KCNK17: variants seen among roughly 807,000 people sequenced by gnomAD.
The protein encoded by KCNK17 is potassium two pore domain channel subfamily K member 17.
In KCNK17, 27 loss-of-function variants were observed where a neutral mutation model predicts 24.6. The observed-to-expected ratio is 1.10, with a 90% CI of 0.81 to 1.51. The LOEUF (loss-of-function observed/expected upper bound fraction) is 1.51, where lower values mean the gene tolerates loss of function less well. Among genes scored for constraint, KCNK17 ranks in the 40% most tolerant of loss-of-function variants. The probability of loss-of-function intolerance (pLI) is 0.00; values close to 1 mark genes in which losing one functional copy is unlikely to be tolerated. For missense variants in KCNK17, 450 were observed against 436.6 expected, an observed-to-expected ratio of 1.03 and a Z score of -0.27; for synonymous variants, 181 against 189.8, an observed-to-expected ratio of 0.95 and a Z score of 0.38.
intron 3 of KCNK17, 134 bp downstream of exon 3, chr6:39,304,361 C>A: frequency 1.2e-6 from 1 of 868,912 alleles, no homozygotes. Flanking sequence ...CTATTCTGAG[C>A]AGTGACCCCC....
intron 2 of KCNK17, among the ~76,000 whole-genome samples, chr6:39,308,692 C>T (rs1762077367): frequency 6.6e-6 from 1 of 152,236 alleles, no homozygotes; most frequent in Admixed American, 6.5e-5. Context: ...CAGGCCTGTC[C>T]TACTGGCCCA....
intron 1 of KCNK17, among the ~76,000 whole-genome samples, chr6:39,311,603 T>C (rs2113841438): frequency 6.6e-6 from 1 of 152,352 alleles, no homozygotes; most frequent in East Asian, 1.9e-4. Context: ...TAAGGTATTA[T>C]GTGTAGACTT....
At chr6:39,309,111 A>G (rs1464414025) in intron 2 of KCNK17, among the ~76,000 whole-genome samples, 2 of 152,208 alleles carry the variant, frequency 1.3e-5, no homozygotes, top group Non-Finnish European at 2.9e-5. Context: ...GGATCACTTG[A>G]GGACAGGAGT....
intron 2 of KCNK17, among the ~76,000 whole-genome samples, chr6:39,307,354 C>G (rs1225994103): frequency 2.0e-5 from 3 of 152,188 alleles, no homozygotes; most frequent in Non-Finnish European, 4.4e-5. Flanking sequence ...TCTACCTCCC[C>G]CTCTGGCCTT....
Position 39,299,879 on chromosome 6 carries a change from T to C in KCNK17, c.689-142A>G, listed in dbSNP as rs1039566150. ...CAGAACATGGAGACTCCTAGCCTCA[T>C]GGTCACCTCCGAAGGATTCCAGAAA... On this transcript the variant is annotated intron_variant, in intron 4 of 4. Transcript: ENST00000373231. 14 of 838,406 alleles carry C rather than the reference T, an allele frequency of 1.7e-5. No homozygotes were observed. In the African/African-American group the frequency reaches 1.9e-4, roughly 11 times the overall value. 51.9% of individuals were successfully genotyped at this position (838,406 alleles called of 1,614,324 possible). A position where few individuals can be genotyped will look rare whatever the true frequency, so the allele number is the denominator to read the frequency against.
intron 1 of KCNK17, among the ~76,000 whole-genome samples, chr6:39,313,548 C>T (rs897100007): frequency 2.0e-5 from 3 of 152,208 alleles, no homozygotes. Flanking sequence ...GCCGCGCCCT[C>T]GCTCCTGCGC....
chr6:39,312,546 G>A (rs761781613), intron 1 of KCNK17, among the ~76,000 whole-genome samples: 3 of 152,172 alleles, frequency 2.0e-5, no homozygotes, highest in Non-Finnish European at 4.4e-5. Context: ...CTCTGAGCCT[G>A]TTTCTTCACC....
intron 2 of KCNK17, among the ~76,000 whole-genome samples, chr6:39,308,086 G>T: frequency 6.6e-6 from 1 of 152,228 alleles, no homozygotes; most frequent in Admixed American, 6.5e-5. Context: ...CCTTTAACTA[G>T]CTTTACTTTT....
intron 2 of KCNK17, among the ~76,000 whole-genome samples, chr6:39,309,290 C>T (rs1762090374): frequency 6.6e-6 from 1 of 152,232 alleles, no homozygotes; most frequent in Non-Finnish European, 1.5e-5. Context: ...TGCCACTGCA[C>T]TCCAGCCTGG....
chr6:39,310,468 ACTT>A (rs1762113537), intron 2 of KCNK17, among the ~76,000 whole-genome samples: 1 of 151,616 alleles, frequency 6.6e-6, no homozygotes, highest in African/African-American at 2.4e-5. Context: ...TTGGATTTCT[ACTT>A]CTTCTTCCTT....
At chr6:39,310,513 A>G (rs1762114969) in intron 2 of KCNK17, among the ~76,000 whole-genome samples, 1 of 151,324 alleles carries the variant, frequency 6.6e-6, no homozygotes, top group South Asian at 2.1e-4. Flanking sequence ...CCCGACCACC[A>G]CTCCCGGGGC....
chr6:39,300,523 G>A (rs1761935059), intron 4 of KCNK17: 2 of 1,551,062 alleles, frequency 1.3e-6, no homozygotes, highest in Non-Finnish European at 1.7e-6. Context: ...GAGGCAGCTT[G>A]CTGGAGCCAG....
intron 4 of KCNK17, 107 bp from the exon 5 acceptor site, chr6:39,299,844 G>T: frequency 8.5e-7 from 1 of 1,180,804 alleles, no homozygotes; most frequent in Non-Finnish European, 1.2e-6. Flanking sequence ...AAGTTGAGGT[G>T]CCAATGGGAC....
intron 4 of KCNK17, among the ~76,000 whole-genome samples, chr6:39,300,915 G>T (rs1232927429): frequency 6.6e-6 from 1 of 152,164 alleles, no homozygotes; most frequent in Non-Finnish European, 1.5e-5. Context: ...TACACGTGCT[G>T]CTTTCATGGC....
At chr6:39,307,164 C>T (rs958616020) in intron 2 of KCNK17, among the ~76,000 whole-genome samples, 1 of 152,168 alleles carries the variant, frequency 6.6e-6, no homozygotes, top group African/African-American at 2.4e-5. Context: ...GGGATGCTGA[C>T]ATCCACCTAC....
rs1217113394 is a variant in KCNK17, at chr6:39,299,106, A to G, written c.*321T>C. 5.8e-6 allele frequency: 2 copies of G among 345,444 alleles called. No individual in the cohort carries two copies. Among genetic ancestry groups the G allele is most frequent in the African/African-American group, 4.1e-5 (2 of 48,608 alleles). The allele number at this position is 345,444 out of a possible 1,614,324, so 21.4% of individuals were successfully genotyped here. A position where few individuals can be genotyped will look rare whatever the true frequency, so the allele number is the denominator to read the frequency against. ...ATCATCAGAGATCCAGACTCTTCCT[A>G]TCTTATTGTGCCGCTCAAACATTGC... On this transcript the variant is annotated 3_prime_UTR_variant, in exon 5 of 5. Transcript: ENST00000373231.
chr6:39,302,475 G>A (rs1761964515), intron 4 of KCNK17, among the ~76,000 whole-genome samples: 1 of 152,208 alleles, frequency 6.6e-6, no homozygotes, highest in South Asian at 2.1e-4. Context: ...ATTTTTAAAG[G>A]TCATAAGAGC....
At position 39,299,093 on chromosome 6, in the gene KCNK17, C is replaced by G. The variant is rs1209809997; in HGVS notation, c.*334G>C. On this transcript the variant is annotated 3_prime_UTR_variant, in exon 5 of 5. Transcript: ENST00000373231. Reference sequence around the variant, plus strand: ...GGATGGCTCTGTGATCATCAGAGATCCAGACTCTTCCTATCTTATTGTGCC... The same window carrying G: ...GGATGGCTCTGTGATCATCAGAGATGCAGACTCTTCCTATCTTATTGTGCC... 2 of 303,694 alleles carry G rather than the reference C, an allele frequency of 6.6e-6. No homozygotes were observed. The highest frequency in any genetic ancestry group is 1.2e-5 in the Non-Finnish European group (2 of 163,670). 18.8% of individuals were successfully genotyped at this position (303,694 alleles called of 1,614,324 possible).
chr6:39,303,942 G>T lies in KCNK17; in HGVS notation c.688+15C>A, dbSNP rs760982964. 1 of 1,608,798 alleles carries T rather than the reference G, an allele frequency of 6.2e-7. No individual in the cohort carries two copies. ...GCCGAATGTCCCCGCCAGCCCAACCGCCAGGAACTCTCACCAATCACGTAG... is the reference window on the plus strand; with the variant it reads ...GCCGAATGTCCCCGCCAGCCCAACCTCCAGGAACTCTCACCAATCACGTAG... On this transcript the variant is annotated intron_variant, in intron 4 of 4. Transcript: ENST00000373231.
Sources: gnomAD v4.1 joint callset for allele counts (sites outside exome capture counted in the v4.1 genomes callset) on GRCh38, gnomAD v4.1.1 for gene constraint, MANE v1.5 for transcripts, NCBI Gene and HGNC (gene_info 2026-07-23, HGNC 2026-07-21) for gene names.